The following FAM107B variants were observed in gnomAD, a reference collection of about 807,000 sequenced individuals.
FAM107B encodes family with sequence similarity 107 member B, also known as protein FAM107B.
A neutral mutation model predicts 31.5 loss-of-function variants in FAM107B; 21 were observed. The observed-to-expected ratio is 0.67, with a 90% confidence interval of 0.47 to 0.96. The LOEUF is 0.96. Ranked by LOEUF, FAM107B falls within the 40% of genes least tolerant of loss-of-function variation. The probability of loss-of-function intolerance (pLI) is 0.00; values close to 1 mark genes in which losing one functional copy is unlikely to be tolerated. For missense variants in FAM107B, 452 were observed against 377.1 expected (o/e 1.20, Z -1.64); for synonymous variants, 157 against 141.5 (o/e 1.11, Z -0.78).
chr10:14,767,523 C>T (rs1588768016), intron 1 of FAM107B, among the ~76,000 whole-genome samples: 1 of 151,976 alleles, frequency 6.6e-6, no homozygotes, highest in East Asian at 1.9e-4. Context: ...ATAGAAAAAT[C>T]GATCAGTGTA....
intron 2 of FAM107B, among the ~76,000 whole-genome samples, chr10:14,557,689 C>T (rs1214626030): frequency 1.3e-5 from 2 of 152,212 alleles, no homozygotes; most frequent in Non-Finnish European, 2.9e-5. Context: ...CTGCTTTAAA[C>T]ACTCTCATAT....
intron 1 of FAM107B, among the ~76,000 whole-genome samples, chr10:14,672,999 C>G (rs1479766713): frequency 6.6e-6 from 1 of 152,132 alleles, no homozygotes; most frequent in African/African-American, 2.4e-5. Flanking sequence ...TGGTTCCATT[C>G]TTTTAAATGG....
intron 2 of FAM107B, among the ~76,000 whole-genome samples, chr10:14,587,230 G>A (rs1028285279): frequency 2.0e-5 from 3 of 152,082 alleles, no homozygotes; most frequent in Non-Finnish European, 2.9e-5. Context: ...CTTCTAATGC[G>A]CCAGTGTCGG....
At chr10:14,744,531 G>C (rs891870857) in intron 1 of FAM107B, among the ~76,000 whole-genome samples, 1 of 152,110 alleles carries the variant, frequency 6.6e-6, no homozygotes, top group Non-Finnish European at 1.5e-5. Context: ...TCAATACCTA[G>C]TTTATTGAGA....
At chr10:14,689,534 G>A (rs537716812) in intron 1 of FAM107B, among the ~76,000 whole-genome samples, 3 of 152,324 alleles carry the variant, frequency 2.0e-5, no homozygotes, top group South Asian at 4.1e-4. Context: ...ACGGTAATGA[G>A]AGGTAAGTAC....
At chr10:14,763,455 G>A (rs369733881) in intron 1 of FAM107B, among the ~76,000 whole-genome samples, 71 of 152,130 alleles carry the variant, frequency 4.7e-4, no homozygotes, top group Non-Finnish European at 7.1e-4. Flanking sequence ...GCCCCCACGT[G>A]CCTCTAATTG....
intron 1 of FAM107B, among the ~76,000 whole-genome samples, chr10:14,760,002 G>A (rs183984365): frequency 4.6e-5 from 7 of 152,244 alleles, no homozygotes; most frequent in Admixed American, 2.6e-4. Flanking sequence ...GTGAGCCACC[G>A]TGCCTAGCCA....
chr10:14,702,832 G>C (rs375184550), intron 1 of FAM107B, among the ~76,000 whole-genome samples: 58 of 151,998 alleles, frequency 3.8e-4, no homozygotes, highest in Middle Eastern at 3.2e-3. Context: ...ACTGGAAGAG[G>C]CTTCTCCCCT....
At chr10:14,670,753 G>C (rs1005619161) in intron 1 of FAM107B, among the ~76,000 whole-genome samples, 2 of 152,124 alleles carry the variant, frequency 1.3e-5, no homozygotes, top group African/African-American at 4.8e-5. Flanking sequence ...GCAAAGTCCC[G>C]CAACAATCTG....
chr10:14,765,634 A>G (rs1278641861), intron 1 of FAM107B, among the ~76,000 whole-genome samples: 1 of 152,208 alleles, frequency 6.6e-6, no homozygotes, highest in Non-Finnish European at 1.5e-5. Flanking sequence ...ACAGTCAGTA[A>G]TTTTGCTCAG....
rs572492261 is a variant in FAM107B, at chr10:14,534,322, C to T, written c.470-3807G>A. On this transcript the variant is annotated intron_variant, in intron 2 of 4. Coordinates refer to ENST00000181796, the MANE Select transcript of FAM107B (RefSeq NM_031453.4). Reference sequence around the variant, plus strand: ...TTTGTACTCAGGGCAGTGGTGGTGGCGGGAGAACCATGTGGGATCTGGGTT... The same window carrying T: ...TTTGTACTCAGGGCAGTGGTGGTGGTGGGAGAACCATGTGGGATCTGGGTT... Among the ~76,000 whole-genome samples the T allele has an allele frequency of 7.6e-4, 116 of 152,122 alleles. 1 individual carries two copies. Among genetic ancestry groups the T allele is most frequent in the African/African-American group, 2.3e-3 (94 of 41,500 alleles).
rs1233818730 is a variant in FAM107B at position 14,682,383 on chromosome 10, G to A, written c.412-14692C>T. ...GCCTCTACTAAAAACATAAAAATTA[G>A]CTGGGCTTGGTGGCGCACGCCTGTA... On this transcript the variant is annotated intron_variant, in intron 1 of 4. Coordinates refer to ENST00000181796, the MANE Select transcript of FAM107B (RefSeq NM_031453.4). Among the ~76,000 whole-genome samples, 4 of 152,218 alleles carry A rather than the reference G, an allele frequency of 2.6e-5. No individual in the cohort carries two copies. The East Asian group carries it at 7.7e-4, about 29-fold the overall frequency.
chr10:14,634,559 T>C (rs192009140), intron 2 of FAM107B, among the ~76,000 whole-genome samples: 1 of 151,968 alleles, frequency 6.6e-6, no homozygotes, highest in Admixed American at 6.6e-5. Flanking sequence ...ATGATGGAAT[T>C]AACTCTCCCA....
intron 2 of FAM107B, among the ~76,000 whole-genome samples, chr10:14,642,568 T>A (rs150828876): frequency 6.4e-4 from 98 of 152,344 alleles, no homozygotes; most frequent in African/African-American, 2.1e-3. Flanking sequence ...TCTGCTCATA[T>A]AACCCTATAA....
rs113366931 is a variant in FAM107B, at chr10:14,686,036, C to T, written c.412-18345G>A. 3.2e-4 allele frequency among the ~76,000 whole-genome samples: 49 copies of T among 152,266 alleles called. 1 individual carries two copies. Among genetic ancestry groups the T allele is most frequent in the African/African-American group, 1.2e-3 (49 of 41,558 alleles). On this transcript the variant is annotated intron_variant, in intron 1 of 4. Coordinates refer to ENST00000181796, the MANE Select transcript of FAM107B (RefSeq NM_031453.4). ...GAACCATCTAGGGGACCCCACCCCCCTGATTCAATTATCTCCACCTAGCTC... is the reference window on the plus strand; with the variant it reads ...GAACCATCTAGGGGACCCCACCCCCTTGATTCAATTATCTCCACCTAGCTC...
At chr10:14,588,480 C>T (rs1031558550) in intron 2 of FAM107B, among the ~76,000 whole-genome samples, 1 of 152,220 alleles carries the variant, frequency 6.6e-6, no homozygotes, top group African/African-American at 2.4e-5. Context: ...TCCCTGGACG[C>T]TACCAGGGTC....
At chr10:14,749,607 C>T (rs915894002) in intron 1 of FAM107B, among the ~76,000 whole-genome samples, 9 of 152,326 alleles carry the variant, frequency 5.9e-5, no homozygotes, top group African/African-American at 2.2e-4. Flanking sequence ...AAGTTCACAT[C>T]CCAGCCACAG....
intron 2 of FAM107B, among the ~76,000 whole-genome samples, chr10:14,573,438 C>T (rs1044719047): frequency 2.0e-5 from 3 of 151,982 alleles, no homozygotes; most frequent in African/African-American, 7.2e-5. Flanking sequence ...ATAAGAAACA[C>T]ATTTTTGGCT....
intron 2 of FAM107B, among the ~76,000 whole-genome samples, chr10:14,588,919 C>T (rs188172502): frequency 1.8e-4 from 27 of 152,166 alleles, no homozygotes; most frequent in Middle Eastern, 6.8e-3. Flanking sequence ...CAGTGACTCA[C>T]GCCTGTAATC....
Sources: allele counts gnomAD v4.1 joint callset (sites outside exome capture counted in the v4.1 genomes callset), GRCh38; gene constraint gnomAD v4.1.1; transcripts MANE v1.5; gene names NCBI Gene and HGNC (gene_info 2026-07-23, HGNC 2026-07-21).